SULF2: variants seen among roughly 807,000 people sequenced by gnomAD.
SULF2 encodes the protein extracellular sulfatase Sulf-2.
Under a neutral mutation model 107.7 loss-of-function variants are expected in SULF2, and 52 were observed. That is an observed-to-expected ratio of 0.48 (90% CI 0.39 to 0.61). The LOEUF is 0.61. Ranked by LOEUF, SULF2 falls within the 20% of genes least tolerant of loss-of-function variation. The pLI is 0.00. For synonymous variants in SULF2, 460 were observed against 464.3 expected, an observed-to-expected ratio of 0.99 and a Z score of 0.12; for missense variants, 993 against 1,177.3, an observed-to-expected ratio of 0.84 and a Z score of 2.29.
At chr20:47,764,991 A>G (rs1252173816) in intron 1 of SULF2, among the ~76,000 whole-genome samples, 1 of 152,124 alleles carries the variant, frequency 6.6e-6, no homozygotes, top group Admixed American at 6.5e-5. Context: ...GTCGTGCAGC[A>G]TGGGTGCTGA....
At chr20:47,780,297 G>A (rs368256902) in intron 1 of SULF2, among the ~76,000 whole-genome samples, 9 of 151,856 alleles carry the variant, frequency 5.9e-5, no homozygotes, top group East Asian at 3.9e-4. Context: ...GATTTCAGGC[G>A]TGAGCCACCA....
chr20:47,777,167 A>G (rs2090739813), intron 1 of SULF2, among the ~76,000 whole-genome samples: 1 of 152,200 alleles, frequency 6.6e-6, no homozygotes, highest in Non-Finnish European at 1.5e-5. Flanking sequence ...AACATAAAAC[A>G]GGTTGTCCTT....
chr20:47,703,049 C>T (rs6094787), intron 3 of SULF2, among the ~76,000 whole-genome samples: 1 of 151,994 alleles, frequency 6.6e-6, no homozygotes, highest in Non-Finnish European at 1.5e-5. Flanking sequence ...CCCGAGTAAT[C>T]CTCAGCTGGG....
intron 2 of SULF2, among the ~76,000 whole-genome samples, chr20:47,746,641 G>A (rs1481568745): frequency 6.6e-6 from 1 of 152,104 alleles, no homozygotes; most frequent in East Asian, 1.9e-4. Flanking sequence ...CAGAAATCGG[G>A]AGCCACACTT....
At chr20:47,673,080 C>T (rs1045436207) in intron 10 of SULF2, among the ~76,000 whole-genome samples, 1 of 152,214 alleles carries the variant, frequency 6.6e-6, no homozygotes, top group African/African-American at 2.4e-5. Context: ...TAGATAGAAT[C>T]ACTGTCCAAA....
chr20:47,756,866 G>C lies in SULF2; in HGVS notation c.175+323C>G, dbSNP rs532619043. ...TCACCACGTTGGCCAGGCTGGTCTC[G>C]AACCCCTGACTTCAGGTGATCCACC... is the stretch of plus-strand genomic sequence containing the variant. On this transcript the variant is annotated intron_variant, in intron 2 of 20. Coordinates refer to ENST00000688720, the MANE Select transcript of SULF2 (RefSeq NM_001387048.1). 1.4e-4 allele frequency among the ~76,000 whole-genome samples: 22 copies of C among 152,138 alleles called. 1 individual carries two copies. The South Asian group carries it at 3.7e-3, about 26-fold the overall frequency.
intron 2 of SULF2, among the ~76,000 whole-genome samples, chr20:47,740,107 A>G (rs1484481615): frequency 2.6e-5 from 4 of 152,200 alleles, no homozygotes; most frequent in Non-Finnish European, 5.9e-5. Context: ...AGTAATAATC[A>G]TTATAATTAA....
intron 1 of SULF2, among the ~76,000 whole-genome samples, chr20:47,774,897 G>T (rs1343262001): frequency 6.6e-6 from 1 of 152,150 alleles, no homozygotes; most frequent in Non-Finnish European, 1.5e-5. Context: ...AAAAAGCAGG[G>T]GTGCATTTGT....
At chr20:47,700,523 G>A (rs1480825068) in intron 4 of SULF2, among the ~76,000 whole-genome samples, 2 of 151,710 alleles carry the variant, frequency 1.3e-5, no homozygotes, top group Admixed American at 1.3e-4. Flanking sequence ...AAACCATAAT[G>A]AAACACCGCT....
intron 18 of SULF2, 36 bp downstream of exon 18, chr20:47,661,737 G>A (rs749859473): frequency 6.8e-7 from 1 of 1,479,196 alleles, no homozygotes; most frequent in Non-Finnish European, 9.1e-7. Flanking sequence ...TGGTTACCCT[G>A]CTGTCCAAGG....
At chr20:47,746,852 G>C (rs961496034) in intron 2 of SULF2, among the ~76,000 whole-genome samples, 45 of 151,724 alleles carry the variant, frequency 3.0e-4, no homozygotes, top group African/African-American at 1.0e-3. Flanking sequence ...GGGGGAGAGG[G>C]GAGGGATAGC....
chr20:47,711,914 T>C (rs1176992586), intron 3 of SULF2, among the ~76,000 whole-genome samples: 1 of 152,184 alleles, frequency 6.6e-6, no homozygotes, highest in Middle Eastern at 3.2e-3. Context: ...TATGCATTAA[T>C]ATATGGCACA....
intron 1 of SULF2, among the ~76,000 whole-genome samples, chr20:47,763,742 T>C (rs1024242937): frequency 6.6e-6 from 1 of 152,196 alleles, no homozygotes; most frequent in Non-Finnish European, 1.5e-5. Context: ...TGAGGCACAG[T>C]GTTCAGTGAT....
chr20:47,783,934 T>G (rs1248372621), intron 1 of SULF2, among the ~76,000 whole-genome samples: 2 of 152,238 alleles, frequency 1.3e-5, no homozygotes, highest in African/African-American at 4.8e-5. Flanking sequence ...GGGGCCCCCT[T>G]CGTTCTGTCC....
At chr20:47,703,419 G>A (rs181380259) in intron 3 of SULF2, among the ~76,000 whole-genome samples, 95 of 152,328 alleles carry the variant, frequency 6.2e-4, no homozygotes, top group Non-Finnish European at 7.1e-4. Context: ...GAAAACCAGA[G>A]TGTCACTTTT....
In SULF2 at chr20:47,694,134, G is replaced by T. The variant is rs1215650163; in HGVS notation, c.568-3839C>A. 1.3e-5 allele frequency among the ~76,000 whole-genome samples: 2 copies of T among 152,220 alleles called. No homozygotes were observed. The highest frequency in any genetic ancestry group is 2.9e-5 in the Non-Finnish European group (2 of 68,030). On this transcript the variant is annotated intron_variant, in intron 4 of 20. Transcript: ENST00000688720. This position sits in a 1 kb window ranked among gnomAD's most constrained non-coding sequence, Gnocchi z 4.4. ...CCTGCTCCACCAGTGGGCAGTTAGT[G>T]CCAGGCCAGCCAACAAGAGCCACCC... is the stretch of plus-strand genomic sequence containing the variant.
chr20:47,770,720 G>A (rs772083863), intron 1 of SULF2, among the ~76,000 whole-genome samples: 3 of 152,206 alleles, frequency 2.0e-5, no homozygotes, highest in African/African-American at 4.8e-5. Flanking sequence ...GCTCAGCAGG[G>A]CCTTGGCTTG....
At chr20:47,747,155 C>G (rs1412043678) in intron 2 of SULF2, among the ~76,000 whole-genome samples, 1 of 151,936 alleles carries the variant, frequency 6.6e-6, no homozygotes, top group Non-Finnish European at 1.5e-5. Context: ...ACCTGTTGCT[C>G]AGAGGTTGTT....
intron 3 of SULF2, among the ~76,000 whole-genome samples, chr20:47,722,013 G>C (rs370642946): frequency 6.6e-6 from 1 of 152,132 alleles, no homozygotes; most frequent in Non-Finnish European, 1.5e-5. Flanking sequence ...CTGGGGAGAT[G>C]GACCTGTGGG....
Sources: gnomAD v4.1 joint callset for allele counts (sites outside exome capture counted in the v4.1 genomes callset) on GRCh38, gnomAD v4.1.1 for gene constraint, Gnocchi (gnomAD v3.1) non-coding constraint, MANE v1.5 for transcripts, NCBI Gene and HGNC (gene_info 2026-07-23, HGNC 2026-07-21) for gene names.